The following CNTNAP5 variants were observed in gnomAD, a reference collection of about 807,000 sequenced individuals.
CNTNAP5 encodes the protein contactin associated protein family member 5.
In CNTNAP5, 72 loss-of-function variants were observed where a neutral mutation model predicts 150.2. The observed-to-expected ratio is 0.48, with a 90% confidence interval of 0.40 to 0.58. The LOEUF (loss-of-function observed/expected upper bound fraction) is 0.58, where lower values mean the gene tolerates loss of function less well. Among genes scored for constraint, CNTNAP5 ranks in the 20% least tolerant of loss-of-function variants. The pLI is 0.00. For missense variants in CNTNAP5, 1,636 were observed against 1,626.2 expected (o/e 1.01, Z -0.10); for synonymous variants, 672 against 619.8 (o/e 1.08, Z -1.25).
At chr2:124,159,758 A>G (rs1347229456) in intron 1 of CNTNAP5, among the ~76,000 whole-genome samples, 9 of 152,172 alleles carry the variant, frequency 5.9e-5, no homozygotes, top group Admixed American at 5.9e-4. Flanking sequence ...CTTGTTTTGA[A>G]TACACTCAAT....
intron 3 of CNTNAP5, among the ~76,000 whole-genome samples, chr2:124,395,260 C>T (rs1691217084): frequency 6.6e-6 from 1 of 152,130 alleles, no homozygotes. Context: ...CATAGCAGTT[C>T]AGAGGAAACA....
intron 8 of CNTNAP5, among the ~76,000 whole-genome samples, chr2:124,515,228 C>G (rs1694681497): frequency 6.6e-6 from 1 of 152,188 alleles, no homozygotes; most frequent in African/African-American, 2.4e-5. Flanking sequence ...GTCTGATGCT[C>G]AATCCATCAA....
chr2:124,050,450 C>T (rs918178962), intron 1 of CNTNAP5, among the ~76,000 whole-genome samples: 1 of 151,744 alleles, frequency 6.6e-6, no homozygotes, highest in Non-Finnish European at 1.5e-5. Context: ...GGAGACAGAG[C>T]GAGGCCCTGT....
chr2:124,326,648 G>C (rs1172188773), intron 3 of CNTNAP5, among the ~76,000 whole-genome samples: 2 of 152,148 alleles, frequency 1.3e-5, no homozygotes, highest in African/African-American at 4.8e-5. Flanking sequence ...TTATAGGCCA[G>C]GCATGATGGC....
At chr2:124,495,123 T>A (rs1359598584) in intron 7 of CNTNAP5, among the ~76,000 whole-genome samples, 1 of 152,168 alleles carries the variant, frequency 6.6e-6, no homozygotes, top group South Asian at 2.1e-4. Context: ...TTATAAGCAA[T>A]TTTCTTGCTT....
At chr2:124,681,014 G>C (rs1465757920) in intron 13 of CNTNAP5, 1 of 151,638 alleles carries the variant, frequency 6.6e-6, no homozygotes, top group African/African-American at 2.4e-5. Flanking sequence ...GACCGGGTGC[G>C]GGGCTCATGC....
rs535070173 is a variant in CNTNAP5 at position 124,553,439 on chromosome 2, G to T, written c.1650-9778G>T. Reference sequence around the variant, plus strand: ...AAATCGCTTGAACCTAAGAGGTGGAGGTTGTAGTGAGCCGAAATCATGCCA... The same window carrying T: ...AAATCGCTTGAACCTAAGAGGTGGATGTTGTAGTGAGCCGAAATCATGCCA... On this transcript the variant is annotated intron_variant, in intron 10 of 23. Transcript: ENST00000682447. Among the ~76,000 whole-genome samples the T allele has an allele frequency of 1.7e-4, 25 of 150,914 alleles. No individual in the cohort carries two copies. The South Asian group carries it at 3.4e-3, about 20-fold the overall frequency.
chr2:124,167,837 A>G (rs921314902), intron 1 of CNTNAP5, among the ~76,000 whole-genome samples: 14 of 152,184 alleles, frequency 9.2e-5, no homozygotes, highest in African/African-American at 3.4e-4. Flanking sequence ...AAGAAAGACA[A>G]GTAGGATCCC....
At chr2:124,894,596 G>A (rs1375460720) in intron 21 of CNTNAP5, among the ~76,000 whole-genome samples, 7 of 148,490 alleles carry the variant, frequency 4.7e-5, no homozygotes, top group African/African-American at 1.0e-4. Context: ...CTCTGTCACC[G>A]AGGTGGGAAT....
intron 19 of CNTNAP5, among the ~76,000 whole-genome samples, chr2:124,851,403 G>A (rs1683152490): frequency 6.6e-6 from 1 of 152,132 alleles, no homozygotes; most frequent in African/African-American, 2.4e-5. Flanking sequence ...TACAAAAAAT[G>A]CTAATGGGAA....
intron 11 of CNTNAP5, among the ~76,000 whole-genome samples, chr2:124,599,077 G>C (rs377063004): frequency 1.5e-4 from 23 of 152,278 alleles, no homozygotes; most frequent in South Asian, 6.2e-4. Flanking sequence ...CGGTACCTCA[G>C]ATGGAAATGC....
chr2:124,861,486 G>A (rs1677522505), intron 19 of CNTNAP5, among the ~76,000 whole-genome samples: 1 of 152,052 alleles, frequency 6.6e-6, no homozygotes, highest in Non-Finnish European at 1.5e-5. Flanking sequence ...TACTTGAGAA[G>A]CTGAGGCAGG....
intron 1 of CNTNAP5, among the ~76,000 whole-genome samples, chr2:124,149,139 G>A (rs955006734): frequency 3.3e-5 from 5 of 151,890 alleles, no homozygotes; most frequent in East Asian, 1.9e-4. Flanking sequence ...TGGGTGTTTC[G>A]TTAAGTTCTT....
Position 124,914,473 on chromosome 2 carries a change from C to T in CNTNAP5, c.*185C>T. The stretch of plus-strand genomic sequence containing the variant: ...AGCCCAAGAGACCAGGCAGCCATGG[C>T]CACTGCCTTCCTCTCTGATGAACCT... On this transcript the variant is annotated 3_prime_UTR_variant, in exon 24 of 24. Transcript: ENST00000682447. 3.4e-6 allele frequency: 2 copies of T among 583,256 alleles called. No homozygotes were observed. Among genetic ancestry groups the T allele is most frequent in the South Asian group, 2.1e-5 (1 of 47,600 alleles). The allele number at this position is 583,256 out of a possible 1,614,324, so 36.1% of individuals were successfully genotyped here.
At position 124,177,380 on chromosome 2, in the gene CNTNAP5, C is replaced by G. The variant is rs139531484; in HGVS notation, c.83-44325C>G. On this transcript the variant is annotated intron_variant, in intron 1 of 23. Coordinates refer to ENST00000682447, the MANE Select transcript of CNTNAP5 (RefSeq NM_001367498.1). The stretch of plus-strand genomic sequence containing the variant: ...TTTCTGAGCTCCAACAACGGGCAGA[C>G]AGCTATTTATTTACTTCCAAAACAA... 1.7e-4 allele frequency among the ~76,000 whole-genome samples: 26 copies of G among 152,224 alleles called. No homozygotes were observed. The East Asian group carries it at 5.0e-3, about 29-fold the overall frequency.
intron 6 of CNTNAP5, among the ~76,000 whole-genome samples, chr2:124,465,078 A>G (rs1693345457): frequency 1.3e-5 from 2 of 152,192 alleles, no homozygotes; most frequent in African/African-American, 2.4e-5. Flanking sequence ...CCAACAAGGG[A>G]GGAATGAATT....
chr2:124,733,778 T>G (rs1055908050), intron 13 of CNTNAP5, among the ~76,000 whole-genome samples: 4 of 152,170 alleles, frequency 2.6e-5, no homozygotes, highest in Non-Finnish European at 5.9e-5. Flanking sequence ...TGAGTGCATG[T>G]GTGCAGAGTA....
intron 14 of CNTNAP5, among the ~76,000 whole-genome samples, chr2:124,754,317 T>C (rs1680791837): frequency 6.6e-6 from 1 of 152,208 alleles, no homozygotes; most frequent in African/African-American, 2.4e-5. Flanking sequence ...TTCATTAATC[T>C]GTTTATGAGC....
chr2:124,630,037 A>C (rs1057064702), intron 12 of CNTNAP5, among the ~76,000 whole-genome samples: 1 of 151,964 alleles, frequency 6.6e-6, no homozygotes, highest in Admixed American at 6.6e-5. Flanking sequence ...AAATTCCTGA[A>C]TAGACCAATA....
Sources: gnomAD v4.1 joint callset for allele counts (sites outside exome capture counted in the v4.1 genomes callset) on GRCh38, gnomAD v4.1.1 for gene constraint, MANE v1.5 for transcripts, NCBI Gene and HGNC (gene_info 2026-07-23, HGNC 2026-07-21) for gene names.